The following DGKD variants were observed in gnomAD, a reference collection of about 807,000 sequenced individuals.
DGKD encodes the protein DAG kinase delta.
Under a neutral mutation model 154.4 loss-of-function variants are expected in DGKD, and 68 were observed. The observed-to-expected ratio is 0.44, with a 90% CI of 0.36 to 0.54. The LOEUF (loss-of-function observed/expected upper bound fraction) is 0.54. Among genes scored for constraint, DGKD ranks in the 20% least tolerant of loss-of-function variants. The pLI is 0.00. For missense variants in DGKD, 1,343 were observed against 1,593.6 expected, an observed-to-expected ratio of 0.84 and a Z score of 2.68; for synonymous variants, 693 against 638.0, an observed-to-expected ratio of 1.09 and a Z score of -1.30.
intron 7 of DGKD, 30 bp downstream of exon 7, chr2:233,436,471 G>A: frequency 2.5e-6 from 4 of 1,603,056 alleles, no homozygotes; most frequent in Non-Finnish European, 3.4e-6. Context: ...CCGGGCTGGA[G>A]GGGAGGGCTT....
chr2:233,362,765 C>A (rs1574975482), intron 1 of DGKD, among the ~76,000 whole-genome samples: 1 of 152,362 alleles, frequency 6.6e-6, no homozygotes, highest in South Asian at 2.1e-4. Context: ...CTAATCAATT[C>A]CTGGTACACC....
At chr2:233,391,251 C>A (rs376284299) in intron 3 of DGKD, among the ~76,000 whole-genome samples, 1 of 151,782 alleles carries the variant, frequency 6.6e-6, no homozygotes, top group East Asian at 1.9e-4. Flanking sequence ...GTAGGACTTT[C>A]TGCAAAAGTT....
intron 3 of DGKD, among the ~76,000 whole-genome samples, chr2:233,390,953 G>A (rs1426440800): frequency 6.6e-6 from 1 of 152,018 alleles, no homozygotes; most frequent in Non-Finnish European, 1.5e-5. Context: ...GGGTGGTCTC[G>A]AACTCCCAAC....
chr2:233,371,791 C>T (rs1334153263), intron 1 of DGKD, among the ~76,000 whole-genome samples: 6 of 152,168 alleles, frequency 3.9e-5, no homozygotes, highest in African/African-American at 4.8e-5. Flanking sequence ...TGAAGAGGAG[C>T]GCTCTCCAGT....
At chr2:233,460,398 A>T in intron 24 of DGKD, 53 bp downstream of exon 24, 1 of 1,599,734 alleles carries the variant, frequency 6.3e-7, no homozygotes, top group Non-Finnish European at 8.5e-7. Context: ...GGTCCCTGGG[A>T]CTGCACTCTT....
chr2:233,438,267 T>G lies in DGKD; in HGVS notation c.973T>G (p.Phe325Val). ...TTCTTGCACAAGCCCACTGTTGGTC[T>G]TCGTCAATTCAAAAAGTGGGGACAA... ...PPSCTSPLLV[F>V]VNSKSGDNQG... is the part of the protein sequence containing the mutation. Residue 325 changes from phenylalanine to valine, a missense_variant, in exon 9 of 30, where the codon TTC (phenylalanine) becomes GTC (valine). By Grantham distance (50) the Phe-to-Val change is conservative. Coordinates refer to ENST00000264057, the MANE Select transcript of DGKD (RefSeq NM_152879.3). This position sits in a 1 kb window ranked among gnomAD's most constrained non-coding sequence, Gnocchi z 4.1. 6.2e-7 allele frequency: 1 copy of G among 1,614,186 alleles called. No individual in the cohort carries two copies. The highest frequency in any genetic ancestry group is 8.5e-7 in the Non-Finnish European group (1 of 1,180,032).
In DGKD at chr2:233,441,455, A is replaced by G. The variant is rs1377949139; in HGVS notation, c.1086-432A>G. On this transcript the variant is annotated intron_variant, in intron 9 of 29. Coordinates refer to ENST00000264057, the MANE Select transcript of DGKD (RefSeq NM_152879.3). The surrounding 1 kb of genome is among the most constrained non-coding windows in gnomAD (Gnocchi z 5.6). ...GTGCAGGGTGATGCAGGCAGCCCAG[A>G]GGGCATGCTGGGAAGGCTGGCAGGG... 6.6e-6 allele frequency among the ~76,000 whole-genome samples: 1 copy of G among 152,130 alleles called. No homozygotes were observed. The highest frequency in any genetic ancestry group is 1.9e-4 in the East Asian group (1 of 5,188).
At chr2:233,390,770 T>G (rs1032728178) in intron 3 of DGKD, among the ~76,000 whole-genome samples, 5 of 152,234 alleles carry the variant, frequency 3.3e-5, no homozygotes, top group African/African-American at 1.2e-4. Flanking sequence ...TTGGCTCTTG[T>G]TGCCCAGGCT....
intron 11 of DGKD, among the ~76,000 whole-genome samples, chr2:233,446,454 C>T (rs1237327677): frequency 2.0e-5 from 3 of 152,230 alleles, no homozygotes; most frequent in Non-Finnish European, 4.4e-5. Flanking sequence ...TCCATTTCTC[C>T]CAGAAGCAGC....
intron 27 of DGKD, among the ~76,000 whole-genome samples, chr2:233,466,432 ACTTG>A (rs2063824969): frequency 6.6e-6 from 1 of 151,998 alleles, no homozygotes; most frequent in Non-Finnish European, 1.5e-5. Context: ...CTTCAAGTCT[ACTTG>A]CTTGCTATAT....
chr2:233,453,503 G>A (rs1320875114), intron 18 of DGKD, among the ~76,000 whole-genome samples: 1 of 152,254 alleles, frequency 6.6e-6, no homozygotes, highest in East Asian at 1.9e-4. Flanking sequence ...ACTTGAATTA[G>A]ATGGATCATA....
At position 233,459,966 on chromosome 2, in the gene DGKD, C is replaced by T; in HGVS notation, c.2829+75C>T. 6.6e-7 allele frequency: 1 copy of T among 1,521,330 alleles called. No individual in the cohort carries two copies. Among genetic ancestry groups the T allele is most frequent in the Non-Finnish European group, 8.8e-7 (1 of 1,138,874 alleles). The allele number at this position is 1,521,330 out of a possible 1,614,324, so 94.2% of individuals were successfully genotyped here. A position where few individuals can be genotyped will look rare whatever the true frequency, so the allele number is the denominator to read the frequency against. Reference sequence around the variant, plus strand: ...GGGCTCTTGTGTGCACTGTTAAGAGCTGGAGCTTTTTGTGTTTTGTTCTAG... The same window carrying T: ...GGGCTCTTGTGTGCACTGTTAAGAGTTGGAGCTTTTTGTGTTTTGTTCTAG... On this transcript the variant is annotated intron_variant, in intron 23 of 29. Transcript: ENST00000264057. The surrounding 1 kb of genome is among the most constrained non-coding windows in gnomAD (Gnocchi z 5.7).
intron 25 of DGKD, 90 bp downstream of exon 25, chr2:233,462,549 G>A (rs2063682706): frequency 3.3e-6 from 5 of 1,518,800 alleles, no homozygotes; most frequent in South Asian, 1.1e-5. Flanking sequence ...CCGCCTCCCC[G>A]GTGCATGTTC....
chr2:233,359,840 A>T (rs1173104544), intron 1 of DGKD, among the ~76,000 whole-genome samples: 1 of 152,164 alleles, frequency 6.6e-6, no homozygotes, highest in Admixed American at 6.5e-5. Flanking sequence ...AAACAATCAC[A>T]CAGTTAATAT....
intron 1 of DGKD, among the ~76,000 whole-genome samples, chr2:233,357,872 G>C (rs1210118163): frequency 6.6e-6 from 1 of 152,168 alleles, no homozygotes; most frequent in Non-Finnish European, 1.5e-5. Context: ...AGAAGATGCT[G>C]ATGCTGCTGG....
chr2:233,462,223 G>A (rs191336659), intron 24 of DGKD, 125 bp from the exon 25 acceptor site: 31 of 701,896 alleles, frequency 4.4e-5, no homozygotes, highest in Non-Finnish European at 5.2e-5. Flanking sequence ...GATCCCTGTC[G>A]TCCTGCTGGG....
At chr2:233,412,641 T>G (rs1040118766) in intron 3 of DGKD, among the ~76,000 whole-genome samples, 1 of 152,220 alleles carries the variant, frequency 6.6e-6, no homozygotes, top group Non-Finnish European at 1.5e-5. Flanking sequence ...TGAATAGGAG[T>G]AGCGAAGGCA....
At chr2:233,422,855 C>T (rs1295945465) in intron 3 of DGKD, among the ~76,000 whole-genome samples, 4 of 152,330 alleles carry the variant, frequency 2.6e-5, no homozygotes, top group African/African-American at 4.8e-5. Context: ...ATACTAACCT[C>T]GTTACAGTGG....
intron 14 of DGKD, among the ~76,000 whole-genome samples, chr2:233,448,852 A>G (rs1439367262): frequency 2.0e-5 from 3 of 152,228 alleles, no homozygotes; most frequent in African/African-American, 4.8e-5. Flanking sequence ...TATGCAGACT[A>G]AGACTCAGCT....
Sources: gnomAD v4.1 joint callset for allele counts (sites outside exome capture counted in the v4.1 genomes callset) on GRCh38, gnomAD v4.1.1 for gene constraint, Gnocchi (gnomAD v3.1) non-coding constraint, MANE v1.5 for transcripts, NCBI Gene and HGNC (gene_info 2026-07-23, HGNC 2026-07-21) for gene names.